DDHD2: variants seen among roughly 807,000 people sequenced by gnomAD.
DDHD2 encodes the protein triacylglycerol hydrolase DDHD2.
A neutral mutation model predicts 91.2 loss-of-function variants in DDHD2; 62 were observed. The observed-to-expected ratio is 0.68, with a 90% confidence interval of 0.55 to 0.84. DDHD2 has a LOEUF of 0.84. DDHD2 is among the 40% of genes least tolerant of loss of function. The pLI, the probability that DDHD2 is intolerant of heterozygous loss-of-function variation, is 0.00. For synonymous variants in DDHD2, 271 were observed against 293.9 expected (o/e 0.92, Z 0.80); for missense variants, 740 against 846.9 (o/e 0.87, Z 1.57).
chr8:38,264,849 C>CT, downstream of DDHD2: 1 of 1,599,230 alleles, frequency 6.3e-7, no homozygotes, highest in Non-Finnish European at 8.5e-7. Flanking sequence ...GTATAATAAG[C>CT]TTTGTTCAGA....
At chr8:38,234,035 GATTCT>G (rs1236455959) in intron 2 of DDHD2, among the ~76,000 whole-genome samples, 1 of 151,972 alleles carries the variant, frequency 6.6e-6, no homozygotes, top group African/African-American at 2.4e-5. Context: ...AAACAAGAAT[GATTCT>G]ATTTATACTG....
In DDHD2 at chr8:38,252,207, C is replaced by G. The variant is rs1315461004; in HGVS notation, c.1537C>G (p.Leu513Val). 1 of 1,614,126 alleles carries G rather than the reference C, an allele frequency of 6.2e-7. No homozygotes were observed. Among genetic ancestry groups the G allele is most frequent in the South Asian group, 1.1e-5 (1 of 91,080 alleles). ...CTTTGGATCTCCCATTGGAATGTTC[C>G]TTACTGTCCGAGGACTAAAAAGAAT... ...FAFGSPIGMFLTVRGLKRIDP... is the reference protein window; with the variant it reads ...FAFGSPIGMFVTVRGLKRIDP... Residue 513 changes from leucine (L) to valine (V), a missense_variant, in exon 13 of 18, where the codon CTT (leucine) becomes GTT (valine). This residue lies in a region of DDHD2 where 693 missense variants were observed against 764.2 expected (regional missense o/e 0.91). Transcript: ENST00000397166.
Position 38,234,466 on chromosome 8 carries a change from G to T in DDHD2, c.293G>T (p.Arg98Leu). 6.2e-7 allele frequency: 1 copy of T among 1,612,654 alleles called. No homozygotes were observed. Among genetic ancestry groups the T allele is most frequent in the Non-Finnish European group, 8.5e-7 (1 of 1,179,734 alleles). ...GATGTTCATTTGGGGGAGAGGATGC[G>T]GTATGCTGTATACTGGGATGAACTG... ...RYDVHLGERM[R>L]YAVYWDELAS... Residue 98 changes from arginine (R) to leucine (L), a missense_variant, in exon 3 of 18, where the codon CGG (arginine) becomes CTG (leucine). Transcript: ENST00000397166.
chr8:38,252,257 G>A lies in DDHD2; in HGVS notation c.1587G>A (p.Thr529=), dbSNP rs141814412. ...TTGATCCCAACTACAGATTTCCAAC[G>A]TGCAAAGGTTTCTTCAATATTTATC... is the stretch of plus-strand genomic sequence containing the variant. The part of the protein sequence containing the change: ...KRIDPNYRFP[T]CKGFFNIYHP... The change falls in exon 13 of 18, where the codon ACG becomes ACA. Residue 529 remains threonine, a synonymous_variant. Transcript: ENST00000397166. The A allele has an allele frequency of 1.1e-4, 170 of 1,613,790 alleles. 1 individual carries two copies. In the East Asian group the frequency reaches 3.5e-3, roughly 33 times the overall value.
chr8:38,263,927 A>T (rs569252850), downstream of DDHD2: 1 of 985,452 alleles, frequency 1.0e-6, no homozygotes, highest in East Asian at 1.1e-4. Flanking sequence ...CACCTTTGAA[A>T]GATCCTTTTA....
At chr8:38,234,705 A>G in intron 3 of DDHD2, 121 bp downstream of exon 3, 2 of 688,690 alleles carry the variant, frequency 2.9e-6, no homozygotes, top group Non-Finnish European at 4.6e-6. Flanking sequence ...GCATCACATT[A>G]TAAAACATAA....
In DDHD2 at chr8:38,233,058, T is replaced by TC; in HGVS notation, c.65dup (p.Cys23MetfsTer2). The TC allele has an allele frequency of 6.2e-7, 1 of 1,614,186 alleles. No homozygotes were observed. ...GTCAGATCCATCTCCGTCACCAAAC[T>TC]CATGTAGTTCCTTTGAGCTAATAGA... On this transcript the variant is annotated frameshift_variant, in exon 2 of 18. Coordinates refer to ENST00000397166, the MANE Select transcript of DDHD2 (RefSeq NM_015214.3). LOFTEE classifies it high-confidence loss of function.
chr8:38,268,147 A>G (rs1807983032), intron 1 of DDHD2: 2 of 1,359,900 alleles, frequency 1.5e-6, no homozygotes, highest in Non-Finnish European at 2.0e-6. Flanking sequence ...GGCCAAAGAC[A>G]TTTCTGAGGT....
At chr8:38,251,850 T>C in intron 11 of DDHD2, 62 bp from the exon 12 acceptor site, 1 of 1,228,814 alleles carries the variant, frequency 8.1e-7, no homozygotes, top group Non-Finnish European at 1.2e-6. Flanking sequence ...CCTGAGTAGC[T>C]GGGACTACAG....
Position 38,260,308 on chromosome 8 carries a change from A to G in DDHD2, c.*26+161A>G, listed in dbSNP as rs543616101. ...GAGGGACTGGTAGAAATTCATGGGG[A>G]AAAAAACACAGTAGCCCATTTAGAG... On this transcript the variant is annotated intron_variant, in intron 17 of 17. Transcript: ENST00000397166. 3.0e-4 allele frequency: 147 copies of G among 490,474 alleles called. 1 individual carries two copies. The highest frequency in any genetic ancestry group is 8.0e-5 in the Non-Finnish European group (22 of 274,212). The allele number at this position is 490,474 out of a possible 1,614,324, so 30.4% of individuals were successfully genotyped here.
intron 16 of DDHD2, among the ~76,000 whole-genome samples, chr8:38,256,781 T>A (rs975086125): frequency 6.6e-6 from 1 of 152,192 alleles, no homozygotes; most frequent in African/African-American, 2.4e-5. Flanking sequence ...GGACATATTC[T>A]TGGGTAAATA....
At chr8:38,264,894 G>C, downstream of DDHD2, 2 of 1,612,568 alleles carry the variant, frequency 1.2e-6, no homozygotes, top group Non-Finnish European at 1.7e-6. Flanking sequence ...ACTCAGAAGA[G>C]TAACAAAGGT....
chr8:38,268,442 G>T, intron 1 of DDHD2: 1 of 1,574,532 alleles, frequency 6.4e-7, no homozygotes, highest in East Asian at 2.3e-5. Flanking sequence ...CAGAGACAGT[G>T]GAGAGAGAAA....
At chr8:38,236,812 G>A (rs1285385333) in intron 3 of DDHD2, among the ~76,000 whole-genome samples, 6 of 151,760 alleles carry the variant, frequency 4.0e-5, no homozygotes, top group Non-Finnish European at 7.4e-5. Flanking sequence ...GAGCCACCGC[G>A]CCCGGCTCAC....
chr8:38,255,766 T>C (rs1000583878), intron 16 of DDHD2, among the ~76,000 whole-genome samples: 1 of 152,178 alleles, frequency 6.6e-6, no homozygotes, highest in East Asian at 1.9e-4. Context: ...CCTCTACTCA[T>C]GGACTTTCAG....
chr8:38,244,070 T>C (rs1046475796), intron 7 of DDHD2, among the ~76,000 whole-genome samples: 1 of 152,112 alleles, frequency 6.6e-6, no homozygotes, highest in Non-Finnish European at 1.5e-5. Flanking sequence ...CCCCAAGTGC[T>C]GGGATTACAG....
In DDHD2 at chr8:38,234,472, C is replaced by G. The variant is rs1436954095; in HGVS notation, c.299C>G (p.Ala100Gly). The G allele has an allele frequency of 6.2e-7, 1 of 1,613,030 alleles. No homozygotes were observed. Among genetic ancestry groups the G allele is most frequent in the Non-Finnish European group, 8.5e-7 (1 of 1,179,794 alleles). The change falls in exon 3 of 18, where the codon GCT becomes GGT. Residue 100 changes from alanine to glycine, a missense_variant. Ala to Gly is a moderately conservative substitution (Grantham distance 60). Coordinates refer to ENST00000397166, the MANE Select transcript of DDHD2 (RefSeq NM_015214.3). ...CATTTGGGGGAGAGGATGCGGTATG[C>G]TGTATACTGGGATGAACTGGCATCG... The part of the protein sequence containing the change: ...DVHLGERMRY[A>G]VYWDELASEV...
intron 3 of DDHD2, among the ~76,000 whole-genome samples, chr8:38,236,800 G>A (rs1415408265): frequency 2.0e-5 from 3 of 151,820 alleles, no homozygotes; most frequent in Non-Finnish European, 2.9e-5. Context: ...GATTATAGGC[G>A]TGAGCCACCG....
chr8:38,253,759 G>A (rs1259398917), intron 16 of DDHD2, 41 bp downstream of exon 16: 1 of 1,587,640 alleles, frequency 6.3e-7, no homozygotes, highest in Non-Finnish European at 8.6e-7. Context: ...TTGTTTACCT[G>A]TTTCATAGAT....
Sources: allele counts gnomAD v4.1 joint callset (sites outside exome capture counted in the v4.1 genomes callset), GRCh38; gene constraint gnomAD v4.1.1; regional missense constraint gnomAD v4.1.1; transcripts MANE v1.5; gene names NCBI Gene and HGNC (gene_info 2026-07-23, HGNC 2026-07-21).